Variants in ZNF804A observed in about 807,000 individuals in gnomAD.
ZNF804A encodes the protein zinc finger protein 804A.
Under a neutral mutation model 16.5 loss-of-function variants are expected in ZNF804A, and 2 were observed. That is an observed-to-expected ratio of 0.12 (90% CI 0.05 to 0.38). The LOEUF (loss-of-function observed/expected upper bound fraction) is 0.38. ZNF804A is among the 10% of genes least tolerant of loss of function. The pLI, the probability that ZNF804A is intolerant of heterozygous loss-of-function variation, is 0.99. For missense variants in ZNF804A, 1,473 were observed against 1,390.7 expected (o/e 1.06, Z -0.94); for synonymous variants, 534 against 489.6 (o/e 1.09, Z -1.20).
At chr2:184,656,873 T>G (rs1692086185) in intron 1 of ZNF804A, among the ~76,000 whole-genome samples, 1 of 152,168 alleles carries the variant, frequency 6.6e-6, no homozygotes, top group Non-Finnish European at 1.5e-5. Flanking sequence ...TTATTTGAGG[T>G]CTTGTCCTGT....
chr2:184,643,485 T>C (rs554523351), intron 1 of ZNF804A, among the ~76,000 whole-genome samples: 1 of 152,090 alleles, frequency 6.6e-6, no homozygotes, highest in Non-Finnish European at 1.5e-5. Context: ...TTCCCTGATA[T>C]TGTCTTATTC....
intron 1 of ZNF804A, among the ~76,000 whole-genome samples, chr2:184,652,306 A>G (rs1360036392): frequency 6.6e-6 from 1 of 152,104 alleles, no homozygotes; most frequent in Non-Finnish European, 1.5e-5. Flanking sequence ...AAGGAAGGGA[A>G]TGAGGGTTGA....
At chr2:184,610,081 T>A (rs1390796388) in intron 1 of ZNF804A, among the ~76,000 whole-genome samples, 1 of 151,798 alleles carries the variant, frequency 6.6e-6, no homozygotes, top group Non-Finnish European at 1.5e-5. Flanking sequence ...CTAGGGAGGG[T>A]GTTTATTATT....
intron 1 of ZNF804A, among the ~76,000 whole-genome samples, chr2:184,848,498 C>T (rs1228267381): frequency 6.6e-6 from 1 of 152,002 alleles, no homozygotes; most frequent in Non-Finnish European, 1.5e-5. Flanking sequence ...AAGTATTTCT[C>T]TTCTAGAAAA....
At chr2:184,663,769 T>A (rs763760681) in intron 1 of ZNF804A, among the ~76,000 whole-genome samples, 6 of 152,220 alleles carry the variant, frequency 3.9e-5, no homozygotes, top group Non-Finnish European at 7.3e-5. Flanking sequence ...TCAGCCAGAC[T>A]CATTGTCTTT....
At chr2:184,715,698 G>A (rs75581509) in intron 1 of ZNF804A, among the ~76,000 whole-genome samples, 10,479 of 152,034 alleles carry the variant, frequency 0.069, 1,233 homozygotes, top group African/African-American at 0.24. Context: ...ACTGTACCCA[G>A]CCACATCCGA....
intron 2 of ZNF804A, among the ~76,000 whole-genome samples, chr2:184,904,019 A>T (rs1009573673): frequency 3.3e-5 from 5 of 152,130 alleles, no homozygotes; most frequent in African/African-American, 1.2e-4. Context: ...TTTATTCAGT[A>T]AACTTGCAGG....
At chr2:184,894,439 A>T (rs940164211) in intron 2 of ZNF804A, among the ~76,000 whole-genome samples, 20 of 151,956 alleles carry the variant, frequency 1.3e-4, no homozygotes, top group Admixed American at 1.1e-3. Context: ...ACTATTAAAA[A>T]TTTTTTTATT....
At chr2:184,929,952 C>T (rs753035737) in intron 2 of ZNF804A, among the ~76,000 whole-genome samples, 12 of 152,118 alleles carry the variant, frequency 7.9e-5, no homozygotes, top group Non-Finnish European at 1.6e-4. Flanking sequence ...AATAATCCAA[C>T]CAGTGATTGC....
At position 184,627,264 on chromosome 2, in the gene ZNF804A, T is replaced by C. The variant is rs369045307; in HGVS notation, c.111+28194T>C. 6.6e-5 allele frequency among the ~76,000 whole-genome samples: 10 copies of C among 152,214 alleles called. No individual in the cohort carries two copies. In the East Asian group the frequency reaches 1.9e-3, roughly 29 times the overall value. On this transcript the variant is annotated intron_variant, in intron 1 of 3. Transcript: ENST00000302277. ...GTACATAAAATGAATCATAATACAATTGAATTTAACCAGTATATCAAAATT... is the reference window on the plus strand; with the variant it reads ...GTACATAAAATGAATCATAATACAACTGAATTTAACCAGTATATCAAAATT...
chr2:184,843,471 A>G (rs1430062719), intron 1 of ZNF804A, among the ~76,000 whole-genome samples: 1 of 151,718 alleles, frequency 6.6e-6, no homozygotes. Context: ...ATGGGGTTTC[A>G]CCATGTTGGC....
At chr2:184,636,504 C>G (rs1691700657) in intron 1 of ZNF804A, among the ~76,000 whole-genome samples, 1 of 122,298 alleles carries the variant, frequency 8.2e-6, no homozygotes, top group Non-Finnish European at 1.6e-5. Flanking sequence ...TCTCTCTCAA[C>G]TAGGTGCTTT....
chr2:184,906,413 C>G lies in ZNF804A; in HGVS notation c.256-27190C>G, dbSNP rs1356583100. Among the ~76,000 whole-genome samples, 3 of 152,096 alleles carry G rather than the reference C, an allele frequency of 2.0e-5. No homozygotes were observed. The South Asian group carries it at 6.2e-4, about 32-fold the overall frequency. ...TTCCAGGCTCAAGCAATTATTCCAC[C>G]TCAGGTTCCCCGAGTGGCTGGGACT... is the stretch of plus-strand genomic sequence containing the variant. On this transcript the variant is annotated intron_variant, in intron 2 of 3. Transcript: ENST00000302277.
intron 2 of ZNF804A, among the ~76,000 whole-genome samples, chr2:184,900,149 T>A (rs1355031329): frequency 6.6e-6 from 1 of 152,152 alleles, no homozygotes; most frequent in Non-Finnish European, 1.5e-5. Flanking sequence ...TCAGCTCTGA[T>A]TCTCTGCAAA....
chr2:184,916,470 A>G (rs72893071), intron 2 of ZNF804A, among the ~76,000 whole-genome samples: 7,673 of 152,300 alleles, frequency 0.05, 253 homozygotes, highest in Middle Eastern at 0.078. Flanking sequence ...AAATATAAAG[A>G]GAATTATCCA....
chr2:184,836,985 T>C (rs998481789), intron 1 of ZNF804A, among the ~76,000 whole-genome samples: 17 of 151,974 alleles, frequency 1.1e-4, no homozygotes, highest in African/African-American at 4.1e-4. Flanking sequence ...ACATGGTGTG[T>C]CTTCTTGCTG....
At chr2:184,779,195 G>T (rs2105772755) in intron 1 of ZNF804A, among the ~76,000 whole-genome samples, 1 of 151,712 alleles carries the variant, frequency 6.6e-6, no homozygotes, top group South Asian at 2.1e-4. Flanking sequence ...GTACAGGCAG[G>T]TTTTCCAGGT....
intron 2 of ZNF804A, among the ~76,000 whole-genome samples, chr2:184,920,331 G>A (rs1685511266): frequency 6.6e-6 from 1 of 152,270 alleles, no homozygotes; most frequent in Non-Finnish European, 1.5e-5. Context: ...ATGCGACTAT[G>A]AGCAGTGGTC....
At chr2:184,770,231 G>A (rs1051457055) in intron 1 of ZNF804A, among the ~76,000 whole-genome samples, 1 of 152,048 alleles carries the variant, frequency 6.6e-6, no homozygotes, top group African/African-American at 2.4e-5. Context: ...TTGTGTGTGA[G>A]TTTTGGTGCT....
Sources: allele counts gnomAD v4.1 joint callset (sites outside exome capture counted in the v4.1 genomes callset), GRCh38; gene constraint gnomAD v4.1.1; transcripts MANE v1.5; gene names NCBI Gene and HGNC (gene_info 2026-07-23, HGNC 2026-07-21).